LINGO3: variants seen among roughly 807,000 people sequenced by gnomAD.
LINGO3 encodes leucine rich repeat and Ig domain containing 3, also known as leucine-rich repeat and immunoglobulin-like domain-containing nogo receptor-interacting protein 3.
For synonymous variants in LINGO3, 427 were observed against 444.2 expected, an observed-to-expected ratio of 0.96 and a Z score of 0.49; for missense variants, 750 against 867.7, an observed-to-expected ratio of 0.86 and a Z score of 1.70.
the LINGO3 span, among the ~76,000 whole-genome samples, chr19:2,297,186 G>A: frequency 2.2e-3 from 334 of 152,062 alleles, 5 homozygotes; most frequent in African/African-American, 7.9e-3. Context: ...CCTACAGCAA[G>A]CAGCCCTCAC....
chr19:2,289,761 G>T, downstream of LINGO3: 2 of 269,266 alleles, frequency 7.4e-6, no homozygotes, highest in Non-Finnish European at 6.9e-6. Context: ...CCCCAGCTCA[G>T]CCACCATAGC....
downstream of LINGO3, among the ~76,000 whole-genome samples, chr19:2,288,179 G>A (rs377329604): frequency 4.6e-5 from 7 of 152,170 alleles, no homozygotes; most frequent in South Asian, 6.2e-4. The surrounding 1 kb of genome is among the most constrained non-coding windows in gnomAD (Gnocchi z 6.5). Flanking sequence ...AGCTGCAGTC[G>A]GCCTGTGACC....
At chr19:2,299,967 C>CCGGCCT in the LINGO3 span, among the ~76,000 whole-genome samples, 9 of 151,036 alleles carry the variant, frequency 6.0e-5, no homozygotes, top group Non-Finnish European at 1.5e-5. Context: ...TCGTGATCCA[C>CCGGCCT]CGGCCTCGGC....
chr19:2,293,704 A>G (rs1482973989), upstream of LINGO3, among the ~76,000 whole-genome samples: 1 of 151,412 alleles, frequency 6.6e-6, no homozygotes, highest in Admixed American at 6.6e-5. Flanking sequence ...GCCCATCCAC[A>G]GACAGGGAGA....
Position 2,291,834 on chromosome 19 carries a change from CG to C in LINGO3, c.-59del. 2.1e-6 allele frequency: 3 copies of C among 1,406,722 alleles called. No homozygotes were observed. Among genetic ancestry groups the C allele is most frequent in the East Asian group, 6.0e-5 (2 of 33,468 alleles). 87.1% of individuals were successfully genotyped at this position (1,406,722 alleles called of 1,614,324 possible). A position where few individuals can be genotyped will look rare whatever the true frequency, so the allele number is the denominator to read the frequency against. ...ATCCTCCTGCGCACCTGCGGGCGGG[CG>C]GGGAGCGGGCAGCGTTAGCACCGTT... is the stretch of plus-strand genomic sequence containing the variant. On this transcript the variant is annotated 5_prime_UTR_variant, in exon 1 of 1. Transcript: ENST00000585527.
At chr19:2,294,984 G>A (rs1040049466), upstream of LINGO3, among the ~76,000 whole-genome samples, 2 of 152,118 alleles carry the variant, frequency 1.3e-5, no homozygotes, top group African/African-American at 4.8e-5. This position sits in a 1 kb window ranked among gnomAD's most constrained non-coding sequence, Gnocchi z 4.3. Context: ...CAGGTTGTGC[G>A]TCTCCTCACG....
the LINGO3 span, among the ~76,000 whole-genome samples, chr19:2,304,641 T>C: frequency 6.9e-6 from 1 of 144,586 alleles, no homozygotes; most frequent in Non-Finnish European, 1.5e-5. Context: ...CTCTGGGCAA[T>C]GGGAAAGATG....
upstream of LINGO3, chr19:2,292,135 A>C (rs28432934): frequency 0.35 from 109,710 of 315,242 alleles, 24,822 homozygotes; most frequent in African/African-American, 0.74. Context: ...CTGCAGTGAG[A>C]TATGCTTGTG....
At chr19:2,296,897 G>A (rs1034148875), upstream of LINGO3, among the ~76,000 whole-genome samples, 10 of 149,318 alleles carry the variant, frequency 6.7e-5, no homozygotes, top group African/African-American at 2.0e-4. Flanking sequence ...GACCATCCTG[G>A]CTAACATGGT....
At chr19:2,292,867 A>G (rs964797636), upstream of LINGO3, among the ~76,000 whole-genome samples, 22 of 152,142 alleles carry the variant, frequency 1.4e-4, no homozygotes, top group Non-Finnish European at 2.1e-4. Flanking sequence ...CCGCATCTGT[A>G]ACAGCCAAAC....
chr19:2,296,223 G>A (rs922669586), upstream of LINGO3, among the ~76,000 whole-genome samples: 2 of 151,974 alleles, frequency 1.3e-5, no homozygotes, highest in African/African-American at 2.4e-5. Context: ...TCTGCCCCCC[G>A]ACCCTGCACC....
At chr19:2,291,873 C>T (rs1310307296) in exon 1 of LINGO3, 3 of 1,122,010 alleles carry the variant, frequency 2.7e-6, no homozygotes, top group Non-Finnish European at 2.5e-6. Context: ...CACCCCTCCG[C>T]GGCGCCTCTG....
At chr19:2,298,080 G>T in the LINGO3 span, among the ~76,000 whole-genome samples, 3 of 151,858 alleles carry the variant, frequency 2.0e-5, no homozygotes, top group Admixed American at 6.6e-5. Context: ...GTAGAGATGG[G>T]GTTTCATCAT....
Position 2,290,884 on chromosome 19 carries a change from T to C in LINGO3, c.893A>G (p.Glu298Gly). ...CAGCAGGGCCCCGGCCAGGTGCAGC[T>C]CGCGCAGGCGGACCAGGTCCCGGAA... is the stretch of plus-strand genomic sequence containing the variant. The change falls in exon 1 of 1, where the codon GAG becomes GGG. Residue 298 changes from glutamate (E) to glycine (G), a missense_variant. Coordinates refer to ENST00000585527, the Ensembl canonical transcript of LINGO3. The surrounding 1 kb of genome is among the most constrained non-coding windows in gnomAD (Gnocchi z 6.0). The C allele has an allele frequency of 6.2e-7, 1 of 1,610,962 alleles. No homozygotes were observed. The highest frequency in any genetic ancestry group is 8.5e-7 in the Non-Finnish European group (1 of 1,178,998).
downstream of LINGO3, among the ~76,000 whole-genome samples, chr19:2,288,377 C>T (rs1017116798): frequency 5.9e-5 from 9 of 152,220 alleles, no homozygotes; most frequent in African/African-American, 1.9e-4. The surrounding 1 kb of genome is among the most constrained non-coding windows in gnomAD (Gnocchi z 6.5). Flanking sequence ...TCTTTGGTCT[C>T]GTTCCCCACC....
chr19:2,295,139 G>C (rs2025562357), upstream of LINGO3, among the ~76,000 whole-genome samples: 1 of 152,204 alleles, frequency 6.6e-6, no homozygotes, highest in South Asian at 2.1e-4. Context: ...TTGTACGTAA[G>C]TGAGGACAGG....
upstream of LINGO3, among the ~76,000 whole-genome samples, chr19:2,293,011 C>T (rs1342131697): frequency 2.0e-5 from 3 of 152,114 alleles, no homozygotes; most frequent in South Asian, 2.1e-4. Flanking sequence ...ACCTTGAGGA[C>T]GCCATGCTCA....
chr19:2,290,928 G>T lies in LINGO3; in HGVS notation c.849C>A (p.Ser283Arg). ...CCCGGAACGACCCCCGCGGCACCGT[G>T]CTGATGGGGTTGTGCGACAGATTGA... The change falls in exon 1 of 1, where the codon AGC becomes AGA. Residue 283 changes from serine to arginine, a missense_variant. Ser to Arg is a moderately radical substitution (Grantham distance 110). Transcript: ENST00000585527. This position sits in a 1 kb window ranked among gnomAD's most constrained non-coding sequence, Gnocchi z 6.0. 6.2e-7 allele frequency: 1 copy of T among 1,611,954 alleles called. No homozygotes were observed. The highest frequency in any genetic ancestry group is 1.1e-5 in the South Asian group (1 of 91,018).
chr19:2,299,773 G>A, the LINGO3 span, among the ~76,000 whole-genome samples: 185 of 144,906 alleles, frequency 1.3e-3, no homozygotes, highest in African/African-American at 4.4e-3. Flanking sequence ...GCCCAGGCTG[G>A]AGTGCAGTGG....
Sources: allele counts gnomAD v4.1 joint callset (sites outside exome capture counted in the v4.1 genomes callset), GRCh38; gene constraint gnomAD v4.1.1; non-coding constraint Gnocchi (gnomAD v3.1); transcripts MANE v1.5; gene names NCBI Gene and HGNC (gene_info 2026-07-23, HGNC 2026-07-21).